Variants in HECW2 observed in about 807,000 individuals in gnomAD.
The protein encoded by HECW2 is HECT, C2 and WW domain containing E3 ubiquitin protein ligase 2.
In HECW2, 61 loss-of-function variants were observed where a neutral mutation model predicts 175.2. The observed-to-expected ratio is 0.35, with a 90% CI of 0.28 to 0.43. HECW2 has a LOEUF of 0.43. HECW2 is among the 20% of genes least tolerant of loss of function. HECW2 has a pLI of 1.00. For missense variants in HECW2, 1,524 were observed against 2,000.5 expected, an observed-to-expected ratio of 0.76 and a Z score of 4.54; for synonymous variants, 671 against 731.0, an observed-to-expected ratio of 0.92 and a Z score of 1.32.
intron 1 of HECW2, among the ~76,000 whole-genome samples, chr2:196,509,118 T>A (rs547861491): frequency 6.6e-6 from 1 of 151,246 alleles, no homozygotes. Context: ...GGATTGTGGG[T>A]TTTTTTTTAA....
intron 6 of HECW2, 132 bp downstream of exon 6, chr2:196,324,848 C>T (rs2105776736): frequency 3.2e-6 from 2 of 631,370 alleles, no homozygotes. Flanking sequence ...AGCTCATTCT[C>T]ATTGTACCCC....
At chr2:196,228,789 G>A (rs1211852138) in intron 21 of HECW2, among the ~76,000 whole-genome samples, 2 of 152,118 alleles carry the variant, frequency 1.3e-5, no homozygotes, top group Non-Finnish European at 2.9e-5. Flanking sequence ...AGGGAGCTCA[G>A]TAGCAAAAAA....
chr2:196,506,493 A>G (rs565211276), intron 1 of HECW2, among the ~76,000 whole-genome samples: 6 of 152,218 alleles, frequency 3.9e-5, no homozygotes, highest in Non-Finnish European at 7.4e-5. Context: ...TGGTATACAC[A>G]GGGTTCTTCC....
intron 2 of HECW2, among the ~76,000 whole-genome samples, chr2:196,388,107 G>A (rs1206585739): frequency 2.0e-5 from 3 of 151,850 alleles, no homozygotes; most frequent in East Asian, 1.9e-4. Flanking sequence ...ACTGGGCAAC[G>A]TAATAAGACC....
chr2:196,328,350 T>TAACA (rs947321656), intron 5 of HECW2, among the ~76,000 whole-genome samples: 36 of 152,322 alleles, frequency 2.4e-4, no homozygotes, highest in African/African-American at 8.2e-4. Flanking sequence ...TGATGGTTCC[T>TAACA]AACAAAACAA....
chr2:196,222,914 C>T (rs186631089), intron 23 of HECW2, among the ~76,000 whole-genome samples: 4 of 152,060 alleles, frequency 2.6e-5, no homozygotes, highest in Admixed American at 6.5e-5. Flanking sequence ...CAGAACCTGC[C>T]GTCAATCTGT....
chr2:196,444,250 C>T (rs1308502147), intron 1 of HECW2, among the ~76,000 whole-genome samples: 1 of 150,800 alleles, frequency 6.6e-6, no homozygotes, highest in Non-Finnish European at 1.5e-5. Flanking sequence ...TTTAAGAATT[C>T]CACATTACTT....
intron 1 of HECW2, among the ~76,000 whole-genome samples, chr2:196,526,942 C>T (rs1575638523): frequency 6.6e-6 from 1 of 152,022 alleles, no homozygotes; most frequent in Non-Finnish European, 1.5e-5. Context: ...TTTGTCTGTG[C>T]CCTGCCCCCA....
intron 1 of HECW2, among the ~76,000 whole-genome samples, chr2:196,567,011 G>A (rs1326627020): frequency 6.6e-6 from 1 of 152,068 alleles, no homozygotes; most frequent in African/African-American, 2.4e-5. Flanking sequence ...GACCATCCAT[G>A]GAGAGAAAAC....
At chr2:196,290,673 CAA>C (rs1690571748) in intron 14 of HECW2, 1 of 152,126 alleles carries the variant, frequency 6.6e-6, no homozygotes, top group African/African-American at 2.4e-5. Flanking sequence ...CAGTATTTTT[CAA>C]AGTCCTTACT....
intron 2 of HECW2, among the ~76,000 whole-genome samples, chr2:196,388,034 T>C (rs181832467): frequency 1.3e-5 from 2 of 152,252 alleles, no homozygotes; most frequent in Non-Finnish European, 2.9e-5. Context: ...CTCACACCTA[T>C]AATCCCAGCA....
chr2:196,310,305 T>C (rs1209210898), intron 10 of HECW2, among the ~76,000 whole-genome samples: 1 of 152,220 alleles, frequency 6.6e-6, no homozygotes. Flanking sequence ...TCAAATACTG[T>C]ATCTTCACAC....
intron 1 of HECW2, among the ~76,000 whole-genome samples, chr2:196,510,286 T>C (rs1435223352): frequency 1.3e-5 from 2 of 152,182 alleles, no homozygotes; most frequent in Non-Finnish European, 2.9e-5. Context: ...TGCAGACCAG[T>C]CCTAGAACTA....
At chr2:196,336,489 G>C (rs1692554506) in intron 3 of HECW2, among the ~76,000 whole-genome samples, 1 of 152,178 alleles carries the variant, frequency 6.6e-6, no homozygotes, top group South Asian at 2.1e-4. Context: ...GCACCTCATA[G>C]ATCAAATCAA....
At chr2:196,274,667 G>A (rs990777951) in intron 15 of HECW2, among the ~76,000 whole-genome samples, 3 of 152,168 alleles carry the variant, frequency 2.0e-5, no homozygotes, top group Non-Finnish European at 4.4e-5. Flanking sequence ...ATGCCTATTA[G>A]AACACCTGGT....
At chr2:196,570,718 A>T (rs566310141) in intron 1 of HECW2, among the ~76,000 whole-genome samples, 1 of 152,326 alleles carries the variant, frequency 6.6e-6, no homozygotes, top group East Asian at 1.9e-4. Context: ...ATAGAAATAA[A>T]TTATTTGCTC....
intron 1 of HECW2, among the ~76,000 whole-genome samples, chr2:196,514,508 T>C (rs1688075515): frequency 1.3e-5 from 2 of 152,164 alleles, no homozygotes; most frequent in Non-Finnish European, 2.9e-5. Context: ...CCAAGGACAG[T>C]CTGAAGCCTG....
intron 4 of HECW2, among the ~76,000 whole-genome samples, chr2:196,334,159 G>A (rs929875451): frequency 3.3e-5 from 5 of 152,200 alleles, no homozygotes; most frequent in African/African-American, 1.2e-4. Context: ...TGGGGCACTT[G>A]CTACTTTGCT....
chr2:196,319,095 C>G lies in HECW2; in HGVS notation c.1795G>C (p.Glu599Gln). 1 of 1,600,958 alleles carries G rather than the reference C, an allele frequency of 6.2e-7. No homozygotes were observed. The highest frequency in any genetic ancestry group is 2.2e-5 in the East Asian group (1 of 44,762). ...GGSRRAVSETESLDQGSEPSQ... is the reference protein window; with the variant it reads ...GGSRRAVSETQSLDQGSEPSQ... ...GGCTCAGAGCCCTGATCGAGAGACT[C>G]GGTCTCACTGACGGCTCTTCGGCTT... The change falls in exon 9 of 29, where the codon GAG (glutamate) becomes CAG (glutamine). Residue 599 changes from glutamate (E) to glutamine (Q), a missense_variant. Glu to Gln is a conservative substitution (Grantham distance 29). Transcript: ENST00000644978.
Sources: gnomAD v4.1 joint callset for allele counts (sites outside exome capture counted in the v4.1 genomes callset) on GRCh38, gnomAD v4.1.1 for gene constraint, MANE v1.5 for transcripts, NCBI Gene and HGNC (gene_info 2026-07-23, HGNC 2026-07-21) for gene names.